ACP5: variants seen among roughly 807,000 people sequenced by gnomAD.
ACP5 encodes acid phosphatase 5, tartrate resistant.
In ACP5, 24 loss-of-function variants were observed where a neutral mutation model predicts 28.7. The observed-to-expected ratio is 0.84, with a 90% confidence interval of 0.61 to 1.18. The LOEUF is 1.18. Ranked by LOEUF, ACP5 falls within the 50% of genes most tolerant of loss-of-function variation. ACP5 has a pLI of 0.00. For synonymous variants in ACP5, 154 were observed against 181.4 expected, an observed-to-expected ratio of 0.85 and a Z score of 1.21; for missense variants, 354 against 422.2, an observed-to-expected ratio of 0.84 and a Z score of 1.42.
Position 11,576,421 on chromosome 19 carries a change from G to A in ACP5, c.557C>T (p.Ser186Phe). 6.2e-7 allele frequency: 1 copy of A among 1,613,996 alleles called. No homozygotes were observed. Among genetic ancestry groups the A allele is most frequent in the Non-Finnish European group, 8.5e-7 (1 of 1,180,030 alleles). Residue 186 changes from serine to phenylalanine, a missense_variant, in exon 4 of 5, where the codon TCC becomes TTC. Transcript: ENST00000648477. ...CGCCGCCAGCTGTTTCTTGAGCCAG[G>A]ACAGCTGTGTGCGGGCCAGCTTCAC... ...RDVKLARTQL[S>F]WLKKQLAAAR...
Position 11,576,374 on chromosome 19 carries a change from C to G in ACP5, c.604G>C (p.Val202Leu), listed in dbSNP as rs1188745377. The G allele has an allele frequency of 6.2e-7, 1 of 1,610,490 alleles. No homozygotes were observed. The highest frequency in any genetic ancestry group is 2.2e-5 in the East Asian group (1 of 44,776). ...LAAAREDYVL[V>L]AGHYPVWSIA... ...GACCACACGGGGTAGTGGCCAGCCA[C>G]CAGCACGTAGTCCTCCCTGGCCGCC... Residue 202 changes from valine (V) to leucine (L), a missense_variant, in exon 4 of 5, where the codon GTG (valine) becomes CTG (leucine). Physicochemically the swap from Val to Leu is conservative, Grantham distance 32. Coordinates refer to ENST00000648477, the MANE Select transcript of ACP5 (RefSeq NM_001611.5).
Position 11,574,833 on chromosome 19 carries a change from G to A in ACP5, c.*177C>T, listed in dbSNP as rs561037575. On this transcript the variant is annotated 3_prime_UTR_variant, in exon 5 of 5. Coordinates refer to ENST00000648477, the MANE Select transcript of ACP5 (RefSeq NM_001611.5). ...ACATGTCCATGTGTGTTTCACATAC[G>A]TGGGCATCTGTGCCACAAGGGTCAT... 43 of 585,304 alleles carry A rather than the reference G, an allele frequency of 7.3e-5. No homozygotes were observed. The highest frequency in any genetic ancestry group is 9.9e-4 in the Middle Eastern group (2 of 2,030). 36.3% of individuals were successfully genotyped at this position (585,304 alleles called of 1,614,324 possible). A position where few individuals can be genotyped will look rare whatever the true frequency, so the allele number is the denominator to read the frequency against.
intron 4 of ACP5, among the ~76,000 whole-genome samples, chr19:11,575,829 CT>C: frequency 6.9e-6 from 1 of 144,658 alleles, no homozygotes. Context: ...TGCACTCCCT[CT>C]CAAAAAAAAA....
intron 4 of ACP5, among the ~76,000 whole-genome samples, chr19:11,575,859 C>T (rs1973117918): frequency 1.3e-5 from 2 of 149,770 alleles, no homozygotes; most frequent in Non-Finnish European, 3.0e-5. Flanking sequence ...CAAAAATTAG[C>T]TGCATGTGGT....
intron 4 of ACP5, chr19:11,575,590 G>T (rs150281461): frequency 0.018 from 6,310 of 351,732 alleles, 84 homozygotes; most frequent in Non-Finnish European, 0.026. Context: ...AGGTGCAGTG[G>T]CTCATGCCTA....
At chr19:11,577,660 G>C (rs1304484876), upstream of ACP5, 1 of 437,466 alleles carries the variant, frequency 2.3e-6, no homozygotes, top group Non-Finnish European at 4.3e-6. The surrounding 1 kb of genome is among the most constrained non-coding windows in gnomAD (Gnocchi z 5.7). Flanking sequence ...TAGAACTGCC[G>C]GTCCCTGAGC....
Position 11,574,803 on chromosome 19 carries a change from G to T in ACP5, c.*207C>A, listed in dbSNP as rs1973064402. The T allele has an allele frequency of 6.8e-6, 4 of 592,250 alleles. No homozygotes were observed. The highest frequency in any genetic ancestry group is 1.2e-5 in the Non-Finnish European group (4 of 330,378). 36.7% of individuals were successfully genotyped at this position (592,250 alleles called of 1,614,324 possible). A position where few individuals can be genotyped will look rare whatever the true frequency, so the allele number is the denominator to read the frequency against. ...AGCCACAGAGCATAACACTGTGGCT[G>T]GGACACATGTCCATGTGTGTTTCAC... On this transcript the variant is annotated 3_prime_UTR_variant, in exon 5 of 5. Transcript: ENST00000648477.
chr19:11,576,209 C>T (rs750825481), intron 4 of ACP5, 34 bp downstream of exon 4: 10 of 1,585,452 alleles, frequency 6.3e-6, no homozygotes, highest in Non-Finnish European at 8.5e-6. Flanking sequence ...GGACCCCCCT[C>T]ACCCAGCTCC....
upstream of ACP5, chr19:11,577,823 C>T (rs891297346): frequency 8.5e-6 from 2 of 235,050 alleles, no homozygotes; most frequent in South Asian, 5.9e-5. The surrounding 1 kb of genome is among the most constrained non-coding windows in gnomAD (Gnocchi z 5.7). Flanking sequence ...TCTGGGCACA[C>T]GTGTGCAGCA....
intron 4 of ACP5, chr19:11,575,678 T>A (rs1049336018): frequency 2.5e-5 from 6 of 239,458 alleles, no homozygotes; most frequent in Non-Finnish European, 4.1e-5. Flanking sequence ...GCCAACATGG[T>A]GAAACCCCGT....
upstream of ACP5, chr19:11,578,557 C>T (rs555365544): frequency 6.6e-6 from 1 of 152,636 alleles, no homozygotes; most frequent in Non-Finnish European, 1.5e-5. Flanking sequence ...AGGCCCTGCA[C>T]CTGCGGCCGG....
Position 11,576,336 on chromosome 19 carries a change from G to C in ACP5, c.642C>G (p.His214Gln). 1.2e-6 allele frequency: 2 copies of C among 1,611,492 alleles called. No individual in the cohort carries two copies. The highest frequency in any genetic ancestry group is 1.7e-6 in the Non-Finnish European group (2 of 1,179,552). ...GCTTGACCAGGCAGTGGGTAGGCCC[G>C]TGCTCGGCTATGGACCACACGGGGT... ...GHYPVWSIAE[H>Q]GPTHCLVKQL... The change falls in exon 4 of 5, where the codon CAC becomes CAG. Residue 214 changes from histidine (H) to glutamine (Q), a missense_variant. His to Gln is a conservative substitution (Grantham distance 24). Transcript: ENST00000648477.
At position 11,577,280 on chromosome 19, in the gene ACP5, A is replaced by G. The variant is rs768659695; in HGVS notation, c.38T>C (p.Leu13Ser). 8.1e-6 allele frequency: 13 copies of G among 1,614,002 alleles called. No homozygotes were observed. Among genetic ancestry groups the G allele is most frequent in the South Asian group, 6.6e-5 (6 of 91,092 alleles). Residue 13 changes from leucine to serine, a missense_variant, in exon 2 of 5, where the codon TTG becomes TCG. Leu to Ser is a moderately radical substitution (Grantham distance 145, BLOSUM62 -2). Transcript: ENST00000648477. The surrounding 1 kb of genome is among the most constrained non-coding windows in gnomAD (Gnocchi z 5.7). ...MWTALLILQALLLPSLADGAT... is the reference protein window; with the variant it reads ...MWTALLILQASLLPSLADGAT... Reference sequence around the variant, plus strand: ...ACCATCAGCCAGGGAGGGTAGCAACAAGGCTTGCAGGATGAGCAGCGCCGT... The same window carrying G: ...ACCATCAGCCAGGGAGGGTAGCAACGAGGCTTGCAGGATGAGCAGCGCCGT...
chr19:11,578,587 C>T (rs894484369), upstream of ACP5: 3 of 152,656 alleles, frequency 2.0e-5, no homozygotes, highest in Non-Finnish European at 4.4e-5. Flanking sequence ...CTCCTCACCT[C>T]CCTGCCTGCC....
intron 4 of ACP5, chr19:11,575,466 G>A (rs1344575561): frequency 3.4e-6 from 2 of 593,934 alleles, no homozygotes; most frequent in African/African-American, 1.9e-5. Context: ...GCTCATGCCT[G>A]TAATCCCAGC....
In ACP5 at chr19:11,575,211, C is replaced by T. The variant is rs368442469; in HGVS notation, c.777G>A (p.Gly259=). Reference sequence around the variant, plus strand: ...TTGAGGGGTCCATGAAATTCCCAGCCCCACTCAGCACGTAGCCCACGCCAT... The same window carrying T: ...TTGAGGGGTCCATGAAATTCCCAGCTCCACTCAGCACGTAGCCCACGCCAT... ...DENGVGYVLS[G]AGNFMDPSKR... is the part of the protein sequence containing the mutation. The change falls in exon 5 of 5, where the codon GGG becomes GGA. Residue 259 remains glycine, a synonymous_variant. Transcript: ENST00000648477. 3 of 1,613,974 alleles carry T rather than the reference C, an allele frequency of 1.9e-6. No individual in the cohort carries two copies. Among genetic ancestry groups the T allele is most frequent in the East Asian group, 2.2e-5 (1 of 44,878 alleles).
Position 11,575,174 on chromosome 19 carries a change from G to T in ACP5, c.814C>A (p.Arg272Ser). ...CGCAGATAGCCGTTGGGGACCTTGCGCTGGTGCCGCTTTGAGGGGTCCATG... is the reference window on the plus strand; with the variant it reads ...CGCAGATAGCCGTTGGGGACCTTGCTCTGGTGCCGCTTTGAGGGGTCCATG... ...NFMDPSKRHQ[R>S]KVPNGYLRFH... The change falls in exon 5 of 5, where the codon CGC (arginine) becomes AGC (serine). Residue 272 changes from arginine (R) to serine (S), a missense_variant. Coordinates refer to ENST00000648477, the MANE Select transcript of ACP5 (RefSeq NM_001611.5). 6.2e-7 allele frequency: 1 copy of T among 1,614,124 alleles called. No homozygotes were observed.
upstream of ACP5, chr19:11,577,723 C>T (rs533976388): frequency 3.4e-5 from 10 of 293,668 alleles, no homozygotes; most frequent in South Asian, 6.8e-5. This position sits in a 1 kb window ranked among gnomAD's most constrained non-coding sequence, Gnocchi z 5.7. Flanking sequence ...GCAGTTTCTC[C>T]GAGGGCTGTC....
chr19:11,575,831 C>CA (rs953392053), intron 4 of ACP5, among the ~76,000 whole-genome samples: 2,295 of 92,316 alleles, frequency 0.025, 37 homozygotes, highest in African/African-American at 0.06. Flanking sequence ...CACTCCCTCT[C>CA]AAAAAAAAAA....
Sources: allele counts gnomAD v4.1 joint callset (sites outside exome capture counted in the v4.1 genomes callset), GRCh38; gene constraint gnomAD v4.1.1; non-coding constraint Gnocchi (gnomAD v3.1); transcripts MANE v1.5; gene names NCBI Gene and HGNC (gene_info 2026-07-23, HGNC 2026-07-21).